KCNK13: variants seen among roughly 807,000 people sequenced by gnomAD.
KCNK13 encodes the protein potassium two pore domain channel subfamily K member 13, also known as potassium channel subfamily K member 13.
Under a neutral mutation model 23.4 loss-of-function variants are expected in KCNK13, and 12 were observed. That is an observed-to-expected ratio of 0.51 (90% CI 0.33 to 0.83). KCNK13 has a LOEUF of 0.83. Among genes scored for constraint, KCNK13 ranks in the 40% least tolerant of loss-of-function variants. The pLI is 0.02. For synonymous variants in KCNK13, 231 were observed against 229.5 expected, an observed-to-expected ratio of 1.01 and a Z score of -0.06; for missense variants, 463 against 556.3, an observed-to-expected ratio of 0.83 and a Z score of 1.69.
chr14:90,162,454 CT>C (rs1179728822), intron 1 of KCNK13, among the ~76,000 whole-genome samples: 1 of 152,098 alleles, frequency 6.6e-6, no homozygotes, highest in Non-Finnish European at 1.5e-5. Context: ...TGTCAATATC[CT>C]GGTAGTGATA....
intron 1 of KCNK13, among the ~76,000 whole-genome samples, chr14:90,086,848 G>A (rs1889281439): frequency 6.6e-6 from 1 of 151,980 alleles, no homozygotes; most frequent in Non-Finnish European, 1.5e-5. Flanking sequence ...AATGTAGATG[G>A]TAAAATAATT....
chr14:90,178,661 A>C (rs1890451773), intron 1 of KCNK13, among the ~76,000 whole-genome samples: 1 of 152,164 alleles, frequency 6.6e-6, no homozygotes, highest in Admixed American at 6.5e-5. Context: ...ACCCATAAAA[A>C]TGAAAAATAA....
chr14:90,075,448 C>G (rs1889123169), intron 1 of KCNK13, among the ~76,000 whole-genome samples: 1 of 152,080 alleles, frequency 6.6e-6, no homozygotes, highest in Non-Finnish European at 1.5e-5. Flanking sequence ...TAACTGAGAG[C>G]CCATGACCTC....
intron 1 of KCNK13, among the ~76,000 whole-genome samples, chr14:90,127,191 C>T (rs1475517297): frequency 6.6e-6 from 1 of 152,032 alleles, no homozygotes; most frequent in Non-Finnish European, 1.5e-5. Flanking sequence ...TCTGTATTAT[C>T]GTCACAACGT....
chr14:90,130,100 G>A (rs977831354), intron 1 of KCNK13, among the ~76,000 whole-genome samples: 1 of 152,172 alleles, frequency 6.6e-6, no homozygotes, highest in Non-Finnish European at 1.5e-5. Context: ...GAGGAGATGT[G>A]ACTGAAATTG....
chr14:90,168,457 C>T (rs1324796923), intron 1 of KCNK13, among the ~76,000 whole-genome samples: 1 of 152,110 alleles, frequency 6.6e-6, no homozygotes, highest in Non-Finnish European at 1.5e-5. Flanking sequence ...AATAGGGACA[C>T]CATTCTTTAG....
intron 1 of KCNK13, among the ~76,000 whole-genome samples, chr14:90,109,789 G>A (rs111629509): frequency 0.017 from 2,514 of 151,342 alleles, 64 homozygotes; most frequent in African/African-American, 0.058. Flanking sequence ...GCTCACTGTA[G>A]CCTCAGCCTC....
chr14:90,180,154 A>C (rs1412227425), intron 1 of KCNK13, among the ~76,000 whole-genome samples: 1 of 152,220 alleles, frequency 6.6e-6, no homozygotes, highest in Non-Finnish European at 1.5e-5. Context: ...GACTTTAGGC[A>C]AACCACTCAG....
chr14:90,136,994 A>G (rs918191795), intron 1 of KCNK13, among the ~76,000 whole-genome samples: 4 of 152,068 alleles, frequency 2.6e-5, no homozygotes, highest in African/African-American at 9.7e-5. Flanking sequence ...ACTCAATCGC[A>G]AAACAGGCAG....
At chr14:90,116,855 G>A (rs1889682844) in intron 1 of KCNK13, among the ~76,000 whole-genome samples, 1 of 152,056 alleles carries the variant, frequency 6.6e-6, no homozygotes, top group African/African-American at 2.4e-5. Flanking sequence ...GGTGAAATGT[G>A]CATACATAAA....
At chr14:90,172,703 C>T (rs1376940167) in intron 1 of KCNK13, among the ~76,000 whole-genome samples, 1 of 152,110 alleles carries the variant, frequency 6.6e-6, no homozygotes, top group East Asian at 1.9e-4. Context: ...TGTGGGTTTG[C>T]ATAAGTTCAC....
At chr14:90,076,098 A>G (rs372956489) in intron 1 of KCNK13, among the ~76,000 whole-genome samples, 2 of 152,142 alleles carry the variant, frequency 1.3e-5, no homozygotes, top group African/African-American at 4.8e-5. Flanking sequence ...AGCCACTTTT[A>G]TTGGTACTTA....
intron 1 of KCNK13, among the ~76,000 whole-genome samples, chr14:90,092,271 C>G (rs1889357694): frequency 6.6e-6 from 1 of 152,198 alleles, no homozygotes; most frequent in Non-Finnish European, 1.5e-5. Context: ...CCTTGCAAAA[C>G]ATTTGTAGTG....
rs572834288 is a variant in KCNK13 at position 90,141,678 on chromosome 14, G to A, written c.335-42433G>A. ...TCACCATGTTGGTCAGGCTGGTCTC[G>A]AACTCCTGACCTCAAGTGATCTGCT... On this transcript the variant is annotated intron_variant, in intron 1 of 1. Coordinates refer to ENST00000282146, the MANE Select transcript of KCNK13 (RefSeq NM_022054.4). 5.3e-5 allele frequency among the ~76,000 whole-genome samples: 8 copies of A among 151,226 alleles called. No individual in the cohort carries two copies. The South Asian group carries it at 1.5e-3, about 28-fold the overall frequency.
At position 90,152,202 on chromosome 14, in the gene KCNK13, C is replaced by T. The variant is rs144753729; in HGVS notation, c.335-31909C>T. Among the ~76,000 whole-genome samples the T allele has an allele frequency of 2.1e-3, 323 of 152,308 alleles. 1 individual carries two copies. The highest frequency in any genetic ancestry group is 7.4e-3 in the African/African-American group (306 of 41,558). ...CGAGATCTGATGGTTTTATAAAGGG[C>T]AGTTTCCCTGCACACATTCTCTTGC... On this transcript the variant is annotated intron_variant, in intron 1 of 1. Coordinates refer to ENST00000282146, the MANE Select transcript of KCNK13 (RefSeq NM_022054.4).
At chr14:90,135,190 C>G (rs142178506) in intron 1 of KCNK13, among the ~76,000 whole-genome samples, 3 of 152,222 alleles carry the variant, frequency 2.0e-5, no homozygotes, top group African/African-American at 7.2e-5. Context: ...GGGACTCATT[C>G]GAAAAGAAAA....
At chr14:90,082,516 G>A (rs1008933649) in intron 1 of KCNK13, among the ~76,000 whole-genome samples, 17 of 152,102 alleles carry the variant, frequency 1.1e-4, no homozygotes, top group African/African-American at 4.1e-4. Context: ...TCATATAAAT[G>A]GAATCATACA....
chr14:90,121,794 A>T (rs10144290), intron 1 of KCNK13, among the ~76,000 whole-genome samples: 44,342 of 151,936 alleles, frequency 0.29, 6,651 homozygotes, highest in Admixed American at 0.37. Flanking sequence ...ATCTCAGCTC[A>T]CTGCAACCTC....
At chr14:90,101,400 G>A (rs1889475486) in intron 1 of KCNK13, among the ~76,000 whole-genome samples, 1 of 151,948 alleles carries the variant, frequency 6.6e-6, no homozygotes. Context: ...AGGGGGCAGG[G>A]GCATCACATT....
Sources: allele counts gnomAD v4.1 joint callset (sites outside exome capture counted in the v4.1 genomes callset), GRCh38; gene constraint gnomAD v4.1.1; transcripts MANE v1.5; gene names NCBI Gene and HGNC (gene_info 2026-07-23, HGNC 2026-07-21).